Variants in KANK1 observed in about 807,000 individuals in gnomAD.
The protein encoded by KANK1 is KN motif and ankyrin repeat domains 1, also known as KN motif and ankyrin repeat domain-containing protein 1.
A neutral mutation model predicts 106.2 loss-of-function variants in KANK1; 109 were observed. The ratio of observed to expected loss-of-function variants is 1.03; its 90% confidence interval spans 0.88 to 1.20. The LOEUF (loss-of-function observed/expected upper bound fraction) is 1.20. Among genes scored for constraint, KANK1 ranks in the 50% most tolerant of loss-of-function variants. The pLI is 0.00. For missense variants in KANK1, 2,399 were observed against 1,710.7 expected (o/e 1.40, Z -7.10); for synonymous variants, 873 against 652.2 (o/e 1.34, Z -5.16).
chr9:559,793 A>T (rs1375749029), intron 1 of KANK1, among the ~76,000 whole-genome samples: 1 of 152,176 alleles, frequency 6.6e-6, no homozygotes, highest in Admixed American at 6.5e-5. Flanking sequence ...GTTTTCTCGG[A>T]TTAAATATGG....
At chr9:518,713 G>A (rs2059409478) in intron 1 of KANK1, among the ~76,000 whole-genome samples, 1 of 151,392 alleles carries the variant, frequency 6.6e-6, no homozygotes, top group Non-Finnish European at 1.5e-5. Flanking sequence ...GAGCCACCTT[G>A]TTTACTTTAG....
intron 1 of KANK1, among the ~76,000 whole-genome samples, chr9:673,180 A>T (rs1815586044): frequency 6.7e-6 from 1 of 148,748 alleles, no homozygotes; most frequent in African/African-American, 2.5e-5. Context: ...GCCAGGATTC[A>T]CACCCAGTGA....
At chr9:536,335 G>C (rs1276564781) in intron 1 of KANK1, among the ~76,000 whole-genome samples, 1 of 151,980 alleles carries the variant, frequency 6.6e-6, no homozygotes, top group Non-Finnish European at 1.5e-5. Flanking sequence ...GAGCGAGACT[G>C]TCTGAGAAAA....
intron 1 of KANK1, among the ~76,000 whole-genome samples, chr9:574,811 C>T (rs948573068): frequency 9.5e-5 from 14 of 147,512 alleles, no homozygotes; most frequent in Admixed American, 4.1e-4. Flanking sequence ...GCCGAGATTG[C>T]ACCACTGCAC....
rs1024885599 is a variant in KANK1 at position 644,337 on chromosome 9, C to T, written c.-83-32553C>T. On this transcript the variant is annotated intron_variant, in intron 1 of 11. Transcript: ENST00000382297. ...ACCTATGATTTGTGTGTATGTGCTA[C>T]CCTTTTGAGAAGCATTAATTAGTCC... Among the ~76,000 whole-genome samples the T allele has an allele frequency of 6.0e-5, 9 of 150,848 alleles. 1 individual carries two copies. Among genetic ancestry groups the T allele is most frequent in the African/African-American group, 2.2e-4 (9 of 40,214 alleles).
chr9:563,598 C>G (rs1345632078), intron 1 of KANK1, among the ~76,000 whole-genome samples: 1 of 152,140 alleles, frequency 6.6e-6, no homozygotes, highest in Non-Finnish European at 1.5e-5. Context: ...ATGTGTGTGT[C>G]TATATTTTCA....
At chr9:614,100 G>C (rs1278234010) in intron 1 of KANK1, among the ~76,000 whole-genome samples, 1 of 152,166 alleles carries the variant, frequency 6.6e-6, no homozygotes, top group East Asian at 1.9e-4. Flanking sequence ...CATGCCAGTG[G>C]CTGCAGGGTT....
In KANK1 at chr9:677,078, T is replaced by G; in HGVS notation, c.37+69T>G. 8 of 1,412,566 alleles carry G rather than the reference T, an allele frequency of 5.7e-6. No individual in the cohort carries two copies. In the South Asian group the frequency reaches 9.5e-5, roughly 17 times the overall value. The allele number at this position is 1,412,566 out of a possible 1,614,324, so 87.5% of individuals were successfully genotyped here. A position where few individuals can be genotyped will look rare whatever the true frequency, so the allele number is the denominator to read the frequency against. On this transcript the variant is annotated intron_variant, in intron 2 of 11. Transcript: ENST00000382297. ...TCTCAAACTAATTTTTTATTCTCTT[T>G]AATAATGAACGGATAATAGCAAGTT...
At chr9:577,999 G>A (rs1331006604) in intron 1 of KANK1, among the ~76,000 whole-genome samples, 1 of 152,076 alleles carries the variant, frequency 6.6e-6, no homozygotes, top group African/African-American at 2.4e-5. Flanking sequence ...TCAGAGCCCA[G>A]CTAGGAGGCC....
At chr9:700,608 G>A (rs1822430260) in intron 2 of KANK1, among the ~76,000 whole-genome samples, 1 of 152,090 alleles carries the variant, frequency 6.6e-6, no homozygotes, top group Admixed American at 6.5e-5. Flanking sequence ...TACACTCTGG[G>A]GCTTTTAAAT....
chr9:714,223 C>G (rs1429172496), intron 3 of KANK1, among the ~76,000 whole-genome samples: 1 of 152,024 alleles, frequency 6.6e-6, no homozygotes, highest in Admixed American at 6.6e-5. Flanking sequence ...AGACAGTAGA[C>G]CTATAACATG....
chr9:596,460 A>C (rs894157302), intron 1 of KANK1, among the ~76,000 whole-genome samples: 1 of 151,816 alleles, frequency 6.6e-6, no homozygotes, highest in African/African-American at 2.4e-5. Context: ...TGCTAAGCTG[A>C]ACTAGGCTTT....
At chr9:599,937 G>A (rs1419652839) in intron 1 of KANK1, among the ~76,000 whole-genome samples, 1 of 151,694 alleles carries the variant, frequency 6.6e-6, no homozygotes, top group East Asian at 1.9e-4. Flanking sequence ...TATAAATAAT[G>A]CAACAGTTAA....
chr9:546,992 T>C (rs2060972380), intron 1 of KANK1, among the ~76,000 whole-genome samples: 1 of 152,232 alleles, frequency 6.6e-6, no homozygotes, highest in Non-Finnish European at 1.5e-5. Flanking sequence ...TCCCAGCATT[T>C]TGGGAACAAA....
rs929784224 is a variant in KANK1 at position 744,968 on chromosome 9, T to A, written c.3997-205T>A. The A allele has an allele frequency of 2.7e-6, 4 of 1,470,024 alleles. No individual in the cohort carries two copies. In the African/African-American group the frequency reaches 5.6e-5, roughly 21 times the overall value. 91.1% of individuals were successfully genotyped at this position (1,470,024 alleles called of 1,614,324 possible). ...AGTTCACTCTGAGTGGGAAGGTGAC[T>A]TCCCAGGACAGCCGGACATAGCACT... On this transcript the variant is annotated intron_variant, in intron 11 of 11. Transcript: ENST00000382297.
intron 3 of KANK1, among the ~76,000 whole-genome samples, chr9:486,880 A>G (rs2058302067): frequency 6.6e-6 from 1 of 152,248 alleles, no homozygotes; most frequent in South Asian, 2.1e-4. Flanking sequence ...AGTAAAAGTA[A>G]AGTTTAATCA....
chr9:741,597 C>T (rs1309247571), intron 9 of KANK1, among the ~76,000 whole-genome samples: 1 of 151,712 alleles, frequency 6.6e-6, no homozygotes, highest in South Asian at 2.1e-4. Flanking sequence ...ACACCATTCT[C>T]CTGCCTCAGC....
At chr9:731,463 T>G in intron 5 of KANK1, 197 bp downstream of exon 5, 2 of 450,336 alleles carry the variant, frequency 4.4e-6, no homozygotes, top group Non-Finnish European at 8.1e-6. Flanking sequence ...GTCACTCTCT[T>G]AAGGATACCT....
intron 3 of KANK1, among the ~76,000 whole-genome samples, chr9:719,652 A>G (rs1828781932): frequency 6.6e-6 from 1 of 152,244 alleles, no homozygotes; most frequent in African/African-American, 2.4e-5. Flanking sequence ...GCTATATACC[A>G]ATAACTAATA....
Sources: allele counts gnomAD v4.1 joint callset (sites outside exome capture counted in the v4.1 genomes callset), GRCh38; gene constraint gnomAD v4.1.1; transcripts MANE v1.5; gene names NCBI Gene and HGNC (gene_info 2026-07-23, HGNC 2026-07-21).